CHD7: variants seen among roughly 807,000 people sequenced by gnomAD.
CHD7 encodes chromodomain helicase DNA binding protein 7.
In CHD7, 24 loss-of-function variants were observed where a neutral mutation model predicts 307.3. The ratio of observed to expected loss-of-function variants is 0.08; its 90% CI spans 0.06 to 0.11. The LOEUF (loss-of-function observed/expected upper bound fraction) is 0.11. Among genes scored for constraint, CHD7 ranks in the 10% least tolerant of loss-of-function variants. The pLI is 1.00. For synonymous variants in CHD7, 1,363 were observed against 1,349.9 expected, an observed-to-expected ratio of 1.01 and a Z score of -0.21; for missense variants, 3,106 against 3,727.1, an observed-to-expected ratio of 0.83 and a Z score of 4.34.
intron 1 of CHD7, among the ~76,000 whole-genome samples, chr8:60,709,684 T>C (rs970240505): frequency 3.9e-4 from 59 of 152,196 alleles, no homozygotes; most frequent in Non-Finnish European, 7.3e-4. Context: ...AATTTATTCA[T>C]ATCTCAAAAA....
chr8:60,691,084 C>T (rs1024744447), intron 1 of CHD7, among the ~76,000 whole-genome samples: 2 of 152,120 alleles, frequency 1.3e-5, no homozygotes, highest in East Asian at 1.9e-4. Flanking sequence ...TGCCACCACT[C>T]CTGGCTAATT....
chr8:60,780,267 C>T (rs552056567), intron 2 of CHD7, among the ~76,000 whole-genome samples: 1 of 152,154 alleles, frequency 6.6e-6, no homozygotes, highest in South Asian at 2.1e-4. Flanking sequence ...GGGTGTATCC[C>T]TAGTGAAAGT....
chr8:60,758,195 GC>G (rs1329150949), intron 2 of CHD7, among the ~76,000 whole-genome samples: 2 of 152,056 alleles, frequency 1.3e-5, no homozygotes, highest in Non-Finnish European at 2.9e-5. Context: ...GAGTGCAGTG[GC>G]ATGATCATGG....
intron 13 of CHD7, among the ~76,000 whole-genome samples, chr8:60,825,678 T>C (rs1208929355): frequency 6.6e-6 from 1 of 152,252 alleles, no homozygotes; most frequent in Non-Finnish European, 1.5e-5. Flanking sequence ...TATGTCACCA[T>C]TTCCTGAAGG....
chr8:60,808,937 A>G (rs1028786246), intron 7 of CHD7: 1 of 152,252 alleles, frequency 6.6e-6, no homozygotes, highest in Non-Finnish European at 1.5e-5. Flanking sequence ...CTAAATAACA[A>G]TCATAGAACA....
rs1805475854 is a variant in CHD7, at chr8:60,852,025, A to T, written c.5672A>T (p.His1891Leu). The T allele has an allele frequency of 3.1e-6, 5 of 1,610,116 alleles. No individual in the cohort carries two copies. The highest frequency in any genetic ancestry group is 1.3e-5 in the African/African-American group (1 of 74,874). ...TGTTTTTCCACTTCCCCAGGCAAGC[A>T]CAGTGAGAGTAATGCTGAGTTAGGC... ...ESMEIHATGK[H>L]SESNAELGQL... The change falls in exon 29 of 38, where the codon CAC (histidine) becomes CTC (leucine). Residue 1891 changes from histidine (H) to leucine (L), a missense_variant. Transcript: ENST00000423902.
chr8:60,690,293 T>G (rs940357479), intron 1 of CHD7, among the ~76,000 whole-genome samples: 1 of 152,220 alleles, frequency 6.6e-6, no homozygotes, highest in Non-Finnish European at 1.5e-5. Flanking sequence ...ATAGTTTTTT[T>G]CTTTTCACAA....
chr8:60,836,692 G>T, intron 16 of CHD7, 125 bp from the exon 17 acceptor site: 1 of 647,388 alleles, frequency 1.5e-6, no homozygotes, highest in South Asian at 2.5e-5. Context: ...TCTGAGATTA[G>T]TTCTGTTAAG....
At chr8:60,702,465 C>A (rs546720024) in intron 1 of CHD7, among the ~76,000 whole-genome samples, 1 of 151,984 alleles carries the variant, frequency 6.6e-6, no homozygotes, top group Non-Finnish European at 1.5e-5. Context: ...CTGTCCTTTC[C>A]GACTTTACAG....
intron 3 of CHD7, among the ~76,000 whole-genome samples, chr8:60,793,666 C>A (rs1811881628): frequency 6.6e-6 from 1 of 152,158 alleles, no homozygotes; most frequent in South Asian, 2.1e-4. Flanking sequence ...TGAGAACTTA[C>A]AAACTTCAAT....
At chr8:60,815,779 C>G (rs143268112) in intron 7 of CHD7, among the ~76,000 whole-genome samples, 1 of 152,092 alleles carries the variant, frequency 6.6e-6, no homozygotes, top group African/African-American at 2.4e-5. Context: ...GGGGCATGGC[C>G]CAGTGTTCCA....
chr8:60,727,253 A>G (rs1563547648), intron 1 of CHD7, among the ~76,000 whole-genome samples: 2 of 152,044 alleles, frequency 1.3e-5, no homozygotes, highest in Non-Finnish European at 1.5e-5. Context: ...CAGCCTCCCC[A>G]GTAGCTGGGA....
chr8:60,731,922 G>A (rs1261247191), intron 1 of CHD7, among the ~76,000 whole-genome samples: 1 of 152,200 alleles, frequency 6.6e-6, no homozygotes, highest in African/African-American at 2.4e-5. Context: ...ATGGGTCTTC[G>A]AAAGCCCTGG....
chr8:60,712,154 A>T (rs1807309727), intron 1 of CHD7, among the ~76,000 whole-genome samples: 1 of 152,262 alleles, frequency 6.6e-6, no homozygotes, highest in Non-Finnish European at 1.5e-5. Flanking sequence ...TGGCAACTAC[A>T]GTTGTTTCAT....
intron 7 of CHD7, 127 bp downstream of exon 7, chr8:60,808,399 G>A (rs1288661813): frequency 1.5e-6 from 1 of 652,236 alleles, no homozygotes; most frequent in Non-Finnish European, 2.6e-6. Flanking sequence ...TGGCCTGGGA[G>A]GCCATTTTTT....
chr8:60,811,793 T>C (rs1314243113), intron 7 of CHD7, among the ~76,000 whole-genome samples: 1 of 152,246 alleles, frequency 6.6e-6, no homozygotes, highest in Admixed American at 6.5e-5. Context: ...TTTATGTTCC[T>C]GTCAACAAAG....
chr8:60,837,456 C>G (rs1466557730), intron 17 of CHD7, among the ~76,000 whole-genome samples: 1 of 152,110 alleles, frequency 6.6e-6, no homozygotes, highest in African/African-American at 2.4e-5. Context: ...TTGCTGTGTC[C>G]TCACCCAGCT....
intron 2 of CHD7, among the ~76,000 whole-genome samples, chr8:60,777,158 T>G (rs1186252294): frequency 6.6e-6 from 1 of 152,246 alleles, no homozygotes; most frequent in Non-Finnish European, 1.5e-5. Context: ...CTGGTCCGCT[T>G]GGTACCATCT....
At chr8:60,853,733 T>C (rs970646392) in intron 31 of CHD7, among the ~76,000 whole-genome samples, 2 of 152,212 alleles carry the variant, frequency 1.3e-5, no homozygotes, top group African/African-American at 4.8e-5. Flanking sequence ...ATGGACACAT[T>C]AGCAATTTCT....
Sources: allele counts gnomAD v4.1 joint callset (sites outside exome capture counted in the v4.1 genomes callset), GRCh38; gene constraint gnomAD v4.1.1; transcripts MANE v1.5; gene names NCBI Gene and HGNC (gene_info 2026-07-23, HGNC 2026-07-21).